Variants in INTS1 observed in about 807,000 individuals in gnomAD.
INTS1 encodes the protein integrator complex subunit 1.
INTS1 carries 137 observed loss-of-function variants against 241.6 expected under a neutral mutation model. That is an observed-to-expected ratio of 0.57 (90% CI 0.49 to 0.65). The LOEUF (loss-of-function observed/expected upper bound fraction) is 0.65, where lower values mean the gene tolerates loss of function less well. INTS1 is among the 30% of genes least tolerant of loss of function. The pLI is 0.00. For synonymous variants in INTS1, 1,692 were observed against 1,337.8 expected, an observed-to-expected ratio of 1.26 and a Z score of -5.78; for missense variants, 3,073 against 3,032.2, an observed-to-expected ratio of 1.01 and a Z score of -0.32.
chr7:1,503,278 G>A (rs960680078), intron 2 of INTS1, 87 bp from the exon 3 acceptor site: 64 of 1,385,286 alleles, frequency 4.6e-5, no homozygotes, highest in Admixed American at 1.6e-4. Flanking sequence ...TATGTCAGAG[G>A]GGATTAAACA....
At chr7:1,498,925 A>G in intron 8 of INTS1, 50 bp downstream of exon 8, 1 of 1,524,114 alleles carries the variant, frequency 6.6e-7, no homozygotes, top group Non-Finnish European at 8.8e-7. Flanking sequence ...GGCCACACAG[A>G]GCCTGCCCCC....
At chr7:1,488,276 T>C (rs1167543399) in intron 18 of INTS1, among the ~76,000 whole-genome samples, 1 of 152,134 alleles carries the variant, frequency 6.6e-6, no homozygotes, top group Non-Finnish European at 1.5e-5. Context: ...CCACCTACGC[T>C]GGGAGCATAG....
chr7:1,479,348 A>C, intron 31 of INTS1, 82 bp downstream of exon 31: 1 of 1,437,158 alleles, frequency 7.0e-7, no homozygotes, highest in Non-Finnish European at 9.4e-7. Flanking sequence ...ACAGAGGAGC[A>C]GTCACAGGAC....
In INTS1 at chr7:1,503,887, G is replaced by A. The variant is rs1324275481; in HGVS notation, c.58+16C>T. The A allele has an allele frequency of 1.9e-6, 3 of 1,557,082 alleles. No individual in the cohort carries two copies. The highest frequency in any genetic ancestry group is 2.6e-6 in the Non-Finnish European group (3 of 1,150,698). On this transcript the variant is annotated intron_variant, in intron 2 of 47. Transcript: ENST00000404767. ...CCCAAAGACCCCCGGGCTGCAGAGC[G>A]AGGAGGGAGACGCACCTGAGGGTTT... is the stretch of plus-strand genomic sequence containing the variant.
chr7:1,474,662 G>C, intron 40 of INTS1, 43 bp downstream of exon 40: 2 of 1,538,244 alleles, frequency 1.3e-6, no homozygotes, highest in Non-Finnish European at 1.8e-6. Flanking sequence ...GACCCCCCTG[G>C]TTAAACCAGT....
In INTS1 at chr7:1,497,079, G is replaced by T. The variant is rs540144288; in HGVS notation, c.1602+59C>A. On this transcript the variant is annotated intron_variant, in intron 11 of 47. Coordinates refer to ENST00000404767, the MANE Select transcript of INTS1 (RefSeq NM_001080453.3). The surrounding 1 kb of genome is among the most constrained non-coding windows in gnomAD (Gnocchi z 5.3). ...TGTGCATGGGACCCAGGACGAGGGG[G>T]ATGGCGGCGCGTGGAACCCGCAGTG... 2 of 1,490,178 alleles carry T rather than the reference G, an allele frequency of 1.3e-6. No individual in the cohort carries two copies. The highest frequency in any genetic ancestry group is 2.6e-5 in the South Asian group (2 of 77,358). 92.3% of individuals were successfully genotyped at this position (1,490,178 alleles called of 1,614,324 possible). A position where few individuals can be genotyped will look rare whatever the true frequency, so the allele number is the denominator to read the frequency against.
At position 1,502,895 on chromosome 7, in the gene INTS1, C is replaced by A; in HGVS notation, c.349+6G>T. 1 of 1,613,668 alleles carries A rather than the reference C, an allele frequency of 6.2e-7. No individual in the cohort carries two copies. The highest frequency in any genetic ancestry group is 1.1e-5 in the South Asian group (1 of 91,076). On this transcript the variant is annotated splice_donor_region_variant and intron_variant, in intron 3 of 47. Transcript: ENST00000404767. ...TGTTCTCGGGGGATGTCCACAGACTCATTACCTTCAATTGGCACCACAGAT... is the reference window on the plus strand; with the variant it reads ...TGTTCTCGGGGGATGTCCACAGACTAATTACCTTCAATTGGCACCACAGAT...
chr7:1,478,226 G>A (rs1195097514), intron 33 of INTS1, 140 bp downstream of exon 33: 17 of 973,718 alleles, frequency 1.7e-5, no homozygotes, highest in South Asian at 3.2e-5. Context: ...TGAGCCATCT[G>A]GGAGGGGACC....
chr7:1,500,067 A>G, intron 4 of INTS1, 46 bp from the exon 5 acceptor site: 1 of 1,591,478 alleles, frequency 6.3e-7, no homozygotes, highest in Non-Finnish European at 8.6e-7. Flanking sequence ...CTGGCCCCAG[A>G]GGCAAAGCTG....
Position 1,489,582 on chromosome 7 carries a change from G to A in INTS1, c.2257+9C>T. On this transcript the variant is annotated intron_variant, in intron 17 of 47. Coordinates refer to ENST00000404767, the MANE Select transcript of INTS1 (RefSeq NM_001080453.3). ...ACGTGTGCGCATGGGGCGGCCAGCA[G>A]AGGCTCACCGATGTTCTCTGGGTTG... 1 of 1,570,546 alleles carries A rather than the reference G, an allele frequency of 6.4e-7. No individual in the cohort carries two copies. Among genetic ancestry groups the A allele is most frequent in the Non-Finnish European group, 8.6e-7 (1 of 1,156,194 alleles).
intron 16 of INTS1, among the ~76,000 whole-genome samples, chr7:1,491,624 G>C (rs4436031): frequency 6.6e-6 from 1 of 151,822 alleles, no homozygotes; most frequent in Non-Finnish European, 1.5e-5. Context: ...GGCCAGGCGC[G>C]GTGTGGCTCA....
rs199497658 is a variant in INTS1, at chr7:1,484,186, G to C, written c.3262-16C>G. On this transcript the variant is annotated splice_polypyrimidine_tract_variant and intron_variant, in intron 24 of 47. Coordinates refer to ENST00000404767, the MANE Select transcript of INTS1 (RefSeq NM_001080453.3). ...GGGCCACGTCCTGGTGTGTGGACAGGGGGGCGTCAGAGGCTCCGAGACAGC... is the reference window on the plus strand; with the variant it reads ...GGGCCACGTCCTGGTGTGTGGACAGCGGGGCGTCAGAGGCTCCGAGACAGC... The C allele has an allele frequency of 1.4e-3, 2,286 of 1,597,836 alleles. 4 individuals carry two copies. Among genetic ancestry groups the C allele is most frequent in the Admixed American group, 1.8e-3 (107 of 59,658 alleles).
chr7:1,476,378 C>T lies in INTS1; in HGVS notation c.5229G>A (p.Ala1743=), dbSNP rs367724786. The T allele has an allele frequency of 2.9e-4, 456 of 1,577,140 alleles. No homozygotes were observed. The highest frequency in any genetic ancestry group is 3.7e-4 in the Non-Finnish European group (431 of 1,166,326). ...ISLVELILAE[A]ETRSQDGDTA... is the part of the protein sequence containing the mutation. The stretch of plus-strand genomic sequence containing the variant: ...TGTCCCCGTCCTGGCTCCGCGTCTC[C>T]GCCTCGGCCAGGATCAGCTCCACCA... Residue 1743 remains alanine, a synonymous_variant, in exon 38 of 48, where the codon GCG becomes GCA. Coordinates refer to ENST00000404767, the MANE Select transcript of INTS1 (RefSeq NM_001080453.3).
intron 29 of INTS1, 78 bp downstream of exon 29, chr7:1,480,757 T>C: frequency 1.7e-6 from 2 of 1,191,666 alleles, no homozygotes; most frequent in South Asian, 2.7e-5. Flanking sequence ...CCCGTCCCCC[T>C]CCCCAGGCTG....
In INTS1 at chr7:1,471,556, C is replaced by G; in HGVS notation, c.6255+15G>C. The G allele has an allele frequency of 6.2e-7, 1 of 1,611,704 alleles. No homozygotes were observed. The highest frequency in any genetic ancestry group is 2.2e-5 in the East Asian group (1 of 44,870). ...GTGGCTCCTCCCAGCTCTCCCTCAGCCCCATCCAGCTCACCGAGAAGAAGC... is the reference window on the plus strand; with the variant it reads ...GTGGCTCCTCCCAGCTCTCCCTCAGGCCCATCCAGCTCACCGAGAAGAAGC... On this transcript the variant is annotated intron_variant, in intron 45 of 47. Transcript: ENST00000404767.
In INTS1 at chr7:1,481,021, G is replaced by T. The variant is rs959711699; in HGVS notation, c.3851-88C>A. On this transcript the variant is annotated intron_variant, in intron 28 of 47. Coordinates refer to ENST00000404767, the MANE Select transcript of INTS1 (RefSeq NM_001080453.3). This position sits in a 1 kb window ranked among gnomAD's most constrained non-coding sequence, Gnocchi z 6.8. Reference sequence around the variant, plus strand: ...CTCCACAGAAACCAGAGTTGGAGATGCCCCCACCGTCACCAGCACTTCCCA... The same window carrying T: ...CTCCACAGAAACCAGAGTTGGAGATTCCCCCACCGTCACCAGCACTTCCCA... 3.1e-6 allele frequency: 3 copies of T among 960,724 alleles called. No individual in the cohort carries two copies. Among genetic ancestry groups the T allele is most frequent in the African/African-American group, 3.2e-5 (2 of 61,852 alleles). 59.5% of individuals were successfully genotyped at this position (960,724 alleles called of 1,614,324 possible).
rs1357393815 is a variant in INTS1 at position 1,489,621 on chromosome 7, C to T, written c.2227G>A (p.Val743Ile). ...LYWKAWPLLL[V>I]VAAFNPENIG... The stretch of plus-strand genomic sequence containing the variant: ...TTCTCTGGGTTGAATGCGGCGACGA[C>T]CAGCAGGAGGGGCCAGGCCTTCCAG... Residue 743 changes from valine to isoleucine, a missense_variant, in exon 17 of 48, where the codon GTC becomes ATC. Physicochemically the swap from Val to Ile is conservative, Grantham distance 29 (BLOSUM62 3). Transcript: ENST00000404767. 1 of 1,590,800 alleles carries T rather than the reference C, an allele frequency of 6.3e-7. No individual in the cohort carries two copies. Among genetic ancestry groups the T allele is most frequent in the Admixed American group, 1.7e-5 (1 of 57,822 alleles).
chr7:1,480,022 G>A (rs998633321), intron 30 of INTS1, among the ~76,000 whole-genome samples: 2 of 152,244 alleles, frequency 1.3e-5, no homozygotes, highest in Non-Finnish European at 2.9e-5. Flanking sequence ...CTCAGCTTCT[G>A]TACACATCAA....
At chr7:1,475,095 A>G (rs911153957) in intron 39 of INTS1, among the ~76,000 whole-genome samples, 1 of 152,204 alleles carries the variant, frequency 6.6e-6, no homozygotes, top group Non-Finnish European at 1.5e-5. Flanking sequence ...AAAACTACAC[A>G]TCGGCCAAGC....
Sources: gnomAD v4.1 joint callset for allele counts (sites outside exome capture counted in the v4.1 genomes callset) on GRCh38, gnomAD v4.1.1 for gene constraint, Gnocchi (gnomAD v3.1) non-coding constraint, MANE v1.5 for transcripts, NCBI Gene and HGNC (gene_info 2026-07-23, HGNC 2026-07-21) for gene names.